NOX4: variants seen among roughly 807,000 people sequenced by gnomAD.
NOX4 encodes the protein kidney oxidase-1.
NOX4 carries 69 observed loss-of-function variants against 87.6 expected under a neutral mutation model. That is an observed-to-expected ratio of 0.79 (90% CI 0.65 to 0.96). The LOEUF (loss-of-function observed/expected upper bound fraction) is 0.96, where lower values mean the gene tolerates loss of function less well. Ranked by LOEUF, NOX4 falls within the 40% of genes least tolerant of loss-of-function variation. The pLI, the probability that NOX4 is intolerant of heterozygous loss-of-function variation, is 0.00. For missense variants in NOX4, 680 were observed against 681.5 expected (o/e 1.00, Z 0.02); for synonymous variants, 275 against 238.2 (o/e 1.15, Z -1.42).
At chr11:89,442,256 A>G (rs919828770) in intron 5 of NOX4, among the ~76,000 whole-genome samples, 4 of 151,968 alleles carry the variant, frequency 2.6e-5, no homozygotes, top group African/African-American at 9.7e-5. Context: ...TTGGGAAAAA[A>G]AAACAGAGAT....
the NOX4 span, among the ~76,000 whole-genome samples, chr11:89,561,667 G>A: frequency 1.3e-5 from 2 of 151,358 alleles, no homozygotes; most frequent in African/African-American, 2.4e-5. Context: ...TATCACCTAG[G>A]CATCTACACT....
intron 2 of NOX4, among the ~76,000 whole-genome samples, chr11:89,458,939 C>A (rs1255026251): frequency 6.6e-6 from 1 of 152,136 alleles, no homozygotes; most frequent in Non-Finnish European, 1.5e-5. Flanking sequence ...TTTGATCCAG[C>A]AATCCCATGA....
intron 2 of NOX4, among the ~76,000 whole-genome samples, chr11:89,487,385 G>C (rs1055653241): frequency 6.6e-6 from 1 of 152,162 alleles, no homozygotes; most frequent in Non-Finnish European, 1.5e-5. Flanking sequence ...AGAATTAACT[G>C]TTTCTCATTG....
chr11:89,480,915 A>G (rs1054316006), intron 2 of NOX4, among the ~76,000 whole-genome samples: 2 of 152,134 alleles, frequency 1.3e-5, no homozygotes, highest in African/African-American at 4.8e-5. Flanking sequence ...TGAATGAAAT[A>G]TGTTCCACCT....
At chr11:89,406,280 A>G (rs1470939871) in intron 8 of NOX4, among the ~76,000 whole-genome samples, 1 of 152,126 alleles carries the variant, frequency 6.6e-6, no homozygotes, top group African/African-American at 2.4e-5. Context: ...TAATCCATTT[A>G]CTTCACTGTG....
the NOX4 span, among the ~76,000 whole-genome samples, chr11:89,542,238 G>T: frequency 6.6e-6 from 1 of 152,134 alleles, no homozygotes; most frequent in African/African-American, 2.4e-5. Flanking sequence ...GATTGATTCT[G>T]CTTCCTAATT....
chr11:89,460,467 A>G (rs941173011), intron 2 of NOX4, among the ~76,000 whole-genome samples: 1 of 152,210 alleles, frequency 6.6e-6, no homozygotes, highest in Admixed American at 6.5e-5. Flanking sequence ...ATTTACAAGA[A>G]AAAAACAACC....
chr11:89,416,095 G>C (rs1451152755), intron 8 of NOX4, among the ~76,000 whole-genome samples: 1 of 152,102 alleles, frequency 6.6e-6, no homozygotes, highest in African/African-American at 2.4e-5. Context: ...CCTAGGAGTA[G>C]GTAGAATACC....
the NOX4 span, among the ~76,000 whole-genome samples, chr11:89,577,851 T>G: frequency 3.1e-3 from 479 of 152,174 alleles, 3 homozygotes; most frequent in Non-Finnish European, 2.2e-3. Flanking sequence ...ATCCAGTAAA[T>G]TTTACTTTTC....
At chr11:89,556,178 T>G in the NOX4 span, among the ~76,000 whole-genome samples, 860 of 152,150 alleles carry the variant, frequency 5.7e-3, 7 homozygotes, top group African/African-American at 0.02. Flanking sequence ...ATTTATTAAT[T>G]GAATAAATAA....
intron 2 of NOX4, among the ~76,000 whole-genome samples, chr11:89,470,496 C>A (rs1433679568): frequency 6.6e-6 from 1 of 152,024 alleles, no homozygotes; most frequent in East Asian, 1.9e-4. Flanking sequence ...AAAGAGAATA[C>A]CAAAAGTGAT....
chr11:89,425,391 G>T (rs535159243), intron 7 of NOX4, among the ~76,000 whole-genome samples: 4 of 131,262 alleles, frequency 3.0e-5, no homozygotes, highest in African/African-American at 9.0e-5. Context: ...GGGGGTGTTT[G>T]TTTCAAAATT....
chr11:89,462,971 T>C (rs1258967358), intron 2 of NOX4, among the ~76,000 whole-genome samples: 1 of 151,872 alleles, frequency 6.6e-6, no homozygotes, highest in Admixed American at 6.6e-5. Context: ...ACCAAATACA[T>C]AGATGTAAAT....
At chr11:89,432,689 C>T in intron 7 of NOX4, 95 bp downstream of exon 7, 1 of 842,376 alleles carries the variant, frequency 1.2e-6, no homozygotes, top group Non-Finnish European at 2.0e-6. Flanking sequence ...AGTCCATTAA[C>T]CAGGACACTA....
At chr11:89,363,588 T>TC (rs1938700574) in intron 12 of NOX4, among the ~76,000 whole-genome samples, 1 of 152,098 alleles carries the variant, frequency 6.6e-6, no homozygotes, top group African/African-American at 2.4e-5. Context: ...AAGCACATTA[T>TC]TTCTAGGGAT....
the NOX4 span, among the ~76,000 whole-genome samples, chr11:89,512,878 T>C: frequency 1.3e-5 from 2 of 152,150 alleles, no homozygotes; most frequent in African/African-American, 4.8e-5. Flanking sequence ...AACTTCAGAG[T>C]AGGATTCTAT....
At position 89,408,434 on chromosome 11, in the gene NOX4, AACAG is replaced by A. The variant is rs1942303972; in HGVS notation, c.630-5896_630-5893del. On this transcript the variant is annotated intron_variant, in intron 8 of 17. Transcript: ENST00000263317. ...TAAGTAACAGACAGTAACATTAAGTAACAGACAGTTATCAAGAGAGTAAAGTCTA... is the reference window on the plus strand; with the variant it reads ...TAAGTAACAGACAGTAACATTAAGTAACAGTTATCAAGAGAGTAAAGTCTA... Among the ~76,000 whole-genome samples the A allele has an allele frequency of 2.6e-5, 4 of 152,186 alleles. No individual in the cohort carries two copies. In the South Asian group the frequency reaches 8.3e-4, roughly 31 times the overall value.
intron 14 of NOX4, among the ~76,000 whole-genome samples, chr11:89,341,361 G>A (rs1185414746): frequency 6.6e-6 from 1 of 152,014 alleles, no homozygotes; most frequent in Non-Finnish European, 1.5e-5. Flanking sequence ...GGCCTCAAGC[G>A]ATCCACCCAC....
At chr11:89,410,525 T>C (rs1423204061) in intron 8 of NOX4, among the ~76,000 whole-genome samples, 2 of 152,336 alleles carry the variant, frequency 1.3e-5, no homozygotes, top group Non-Finnish European at 2.9e-5. Context: ...ACCTAGAATA[T>C]GGCACAATGT....
Sources: gnomAD v4.1 joint callset for allele counts (sites outside exome capture counted in the v4.1 genomes callset) on GRCh38, gnomAD v4.1.1 for gene constraint, MANE v1.5 for transcripts, NCBI Gene and HGNC (gene_info 2026-07-23, HGNC 2026-07-21) for gene names.